EFCAB8: variants seen among roughly 807,000 people sequenced by gnomAD.
EFCAB8 encodes the protein EF-hand calcium binding domain 8.
In EFCAB8, 100 loss-of-function variants were observed where a neutral mutation model predicts 116.3. That is an observed-to-expected ratio of 0.86 (90% confidence interval 0.73 to 1.02). The LOEUF is 1.02. EFCAB8 is among the 50% of genes least tolerant of loss of function. The pLI, the probability that EFCAB8 is intolerant of heterozygous loss-of-function variation, is 0.00. For missense variants in EFCAB8, 1,320 were observed against 1,416.9 expected (o/e 0.93, Z 1.10); for synonymous variants, 558 against 567.9 (o/e 0.98, Z 0.25).
chr20:32,948,919 A>C (rs529134003), intron 23 of EFCAB8, among the ~76,000 whole-genome samples: 1 of 152,346 alleles, frequency 6.6e-6, no homozygotes, highest in South Asian at 2.1e-4. Flanking sequence ...TGAAAGGCTG[A>C]GTACTTTCCC....
At chr20:32,960,998 G>A in intron 26 of EFCAB8, 138 bp from the exon 27 acceptor site, 1 of 730,598 alleles carries the variant, frequency 1.4e-6, no homozygotes, top group Non-Finnish European at 2.3e-6. Flanking sequence ...GTTAGTGGTA[G>A]CCACAGTCCT....
chr20:32,911,623 A>G lies in EFCAB8; in HGVS notation c.1701A>G (p.Thr567=), dbSNP rs1986926856. ...ATGAGTCAGAGCGGTGCCTGCTCAC[A>G]GGTTTGCGGGATGGCACAATGAAGA... The part of the protein sequence containing the change: ...ALDESERCLL[T]GLRDGTMKMW... The change falls in exon 16 of 27, where the codon ACA becomes ACG. Residue 567 remains threonine, a synonymous_variant. Coordinates refer to ENST00000400522, the MANE Select transcript of EFCAB8 (RefSeq NM_001143967.2). The G allele has an allele frequency of 1.3e-6, 2 of 1,551,600 alleles. No homozygotes were observed. Among genetic ancestry groups the G allele is most frequent in the East Asian group, 2.4e-5 (1 of 40,932 alleles).
At chr20:32,876,734 A>G (rs1480722696) in intron 4 of EFCAB8, among the ~76,000 whole-genome samples, 1 of 152,100 alleles carries the variant, frequency 6.6e-6, no homozygotes, top group Non-Finnish European at 1.5e-5. Context: ...TGGGAGGCCA[A>G]GGGGGGTGGA....
At chr20:32,886,395 T>C (rs1237569580) in intron 6 of EFCAB8, among the ~76,000 whole-genome samples, 1 of 152,004 alleles carries the variant, frequency 6.6e-6, no homozygotes, top group Non-Finnish European at 1.5e-5. Flanking sequence ...CCGTCCAGAA[T>C]CCTCCAGCAG....
At chr20:32,921,952 C>G (rs1157751173) in intron 20 of EFCAB8, among the ~76,000 whole-genome samples, 4 of 151,626 alleles carry the variant, frequency 2.6e-5, no homozygotes, top group African/African-American at 7.3e-5. Context: ...GCCTCAGCCT[C>G]CAGAGTAGCT....
chr20:32,885,700 AC>A, intron 6 of EFCAB8, 60 bp downstream of exon 6: 2 of 1,529,042 alleles, frequency 1.3e-6, no homozygotes, highest in African/African-American at 1.4e-5. Context: ...CTGCCTTAGC[AC>A]CCCCATGGTG....
intron 23 of EFCAB8, among the ~76,000 whole-genome samples, chr20:32,947,212 C>T (rs544794037): frequency 6.6e-6 from 1 of 152,304 alleles, no homozygotes; most frequent in East Asian, 1.9e-4. Flanking sequence ...TTTGTGTCTT[C>T]ATCAACATTT....
intron 5 of EFCAB8, among the ~76,000 whole-genome samples, chr20:32,883,847 C>T (rs1985471256): frequency 6.6e-6 from 1 of 152,084 alleles, no homozygotes; most frequent in Non-Finnish European, 1.5e-5. Context: ...TGTGCTACCA[C>T]ACCTGGCTAA....
At chr20:32,876,740 G>A in intron 4 of EFCAB8, among the ~76,000 whole-genome samples, 1 of 152,158 alleles carries the variant, frequency 6.6e-6, no homozygotes, top group Non-Finnish European at 1.5e-5. Flanking sequence ...GCCAAGGGGG[G>A]TGGATCGCTT....
intron 17 of EFCAB8, among the ~76,000 whole-genome samples, chr20:32,916,033 A>G (rs1387356569): frequency 1.3e-5 from 2 of 151,828 alleles, no homozygotes; most frequent in African/African-American, 4.8e-5. Flanking sequence ...ATAACACCCC[A>G]CTCCTGGTAC....
chr20:32,941,244 C>T (rs1162258259), intron 22 of EFCAB8, among the ~76,000 whole-genome samples: 3 of 147,452 alleles, frequency 2.0e-5, no homozygotes, highest in Non-Finnish European at 4.5e-5. Flanking sequence ...AAGAGCAAAA[C>T]TCCAAACTCT....
intron 1 of EFCAB8, among the ~76,000 whole-genome samples, chr20:32,861,598 CAT>C (rs1323061232): frequency 1.3e-5 from 2 of 152,184 alleles, no homozygotes; most frequent in African/African-American, 2.4e-5. Flanking sequence ...CGTTGAAACA[CAT>C]GTTAAAGATT....
chr20:32,939,131 CTTTCTTT>C (rs1988260783), intron 22 of EFCAB8, among the ~76,000 whole-genome samples: 1 of 19,240 alleles, frequency 5.2e-5, no homozygotes. Context: ...CTTTCTCTTT[CTTTCTTT>C]CTTTCTTTCT....
chr20:32,961,081 G>T, intron 26 of EFCAB8, 55 bp from the exon 27 acceptor site: 1 of 1,460,756 alleles, frequency 6.8e-7, no homozygotes, highest in Non-Finnish European at 9.4e-7. Context: ...TTGATCCTGG[G>T]TGTCCCCGGC....
chr20:32,909,313 C>T (rs1015580433), intron 14 of EFCAB8, among the ~76,000 whole-genome samples: 5 of 152,222 alleles, frequency 3.3e-5, no homozygotes, highest in African/African-American at 1.2e-4. Flanking sequence ...GAGCACCAAA[C>T]CTTATCAACC....
intron 3 of EFCAB8, 116 bp downstream of exon 3, chr20:32,867,863 C>T (rs905479551): frequency 2.5e-6 from 3 of 1,179,738 alleles, no homozygotes; most frequent in African/African-American, 1.6e-5. Context: ...GTTTTTGAGA[C>T]AGGATATTGC....
At position 32,907,701 on chromosome 20, in the gene EFCAB8, G is replaced by A. The variant is rs962938246; in HGVS notation, c.1309-574G>A. 3.3e-5 allele frequency among the ~76,000 whole-genome samples: 5 copies of A among 152,176 alleles called. No homozygotes were observed. The South Asian group carries it at 6.2e-4, about 19-fold the overall frequency. Reference sequence around the variant, plus strand: ...AGAAGCCCTGGGAGCTGGGATCATCGCCTCTGATGAAGGGTCTGAGTCTGG... The same window carrying A: ...AGAAGCCCTGGGAGCTGGGATCATCACCTCTGATGAAGGGTCTGAGTCTGG... On this transcript the variant is annotated intron_variant, in intron 13 of 26. Coordinates refer to ENST00000400522, the MANE Select transcript of EFCAB8 (RefSeq NM_001143967.2).
intron 5 of EFCAB8, among the ~76,000 whole-genome samples, chr20:32,879,341 T>C (rs964499947): frequency 4.6e-5 from 7 of 152,190 alleles, no homozygotes; most frequent in Non-Finnish European, 1.0e-4. Context: ...CTGGAGCTGG[T>C]GGCACCACCC....
At chr20:32,903,990 C>T in intron 11 of EFCAB8, among the ~76,000 whole-genome samples, 1 of 151,960 alleles carries the variant, frequency 6.6e-6, no homozygotes, top group East Asian at 1.9e-4. Context: ...GGGTGCCCTA[C>T]TACAGATGCC....
Sources: gnomAD v4.1 joint callset for allele counts (sites outside exome capture counted in the v4.1 genomes callset) on GRCh38, gnomAD v4.1.1 for gene constraint, MANE v1.5 for transcripts, NCBI Gene and HGNC (gene_info 2026-07-23, HGNC 2026-07-21) for gene names.